The following SLC25A13 variants were observed in gnomAD, a reference collection of about 807,000 sequenced individuals.
SLC25A13 encodes the protein solute carrier family 25 member 13, also known as electrogenic aspartate/glutamate antiporter SLC25A13, mitochondrial.
In SLC25A13, 70 loss-of-function variants were observed where a neutral mutation model predicts 85.5. The ratio of observed to expected loss-of-function variants is 0.82; its 90% CI spans 0.68 to 1.00. The LOEUF (loss-of-function observed/expected upper bound fraction) is 1.00. Ranked by LOEUF, SLC25A13 falls within the 50% of genes least tolerant of loss-of-function variation. The probability of loss-of-function intolerance (pLI) is 0.00; values close to 1 mark genes in which losing one functional copy is unlikely to be tolerated. For missense variants in SLC25A13, 765 were observed against 819.8 expected, an observed-to-expected ratio of 0.93 and a Z score of 0.82; for synonymous variants, 259 against 288.7, an observed-to-expected ratio of 0.90 and a Z score of 1.04.
chr7:96,182,827 C>T (rs1442041910), intron 11 of SLC25A13, among the ~76,000 whole-genome samples: 1 of 152,206 alleles, frequency 6.6e-6, no homozygotes, highest in African/African-American at 2.4e-5. Context: ...ATTCTAAAGG[C>T]ATCCTTGACA....
At chr7:96,217,197 C>A (rs1795930992) in intron 4 of SLC25A13, among the ~76,000 whole-genome samples, 1 of 152,126 alleles carries the variant, frequency 6.6e-6, no homozygotes, top group African/African-American at 2.4e-5. Flanking sequence ...CACCCTGCTA[C>A]AATGGTTATA....
rs541125702 is a variant in SLC25A13 at position 96,289,634 on chromosome 7, C to T, written c.69+7264G>A. ...AATGCACAAGCTTCAGTAGCCGATT[C>T]GATCAACTGGAAGAAAGGGTATCAG... On this transcript the variant is annotated intron_variant, in intron 2 of 17. Coordinates refer to ENST00000265631, the MANE Select transcript of SLC25A13 (RefSeq NM_014251.3). 3.9e-5 allele frequency among the ~76,000 whole-genome samples: 6 copies of T among 152,118 alleles called. 1 individual carries two copies. The South Asian group carries it at 6.2e-4, about 16-fold the overall frequency.
intron 3 of SLC25A13, among the ~76,000 whole-genome samples, chr7:96,267,866 G>C (rs1436198228): frequency 2.0e-5 from 3 of 152,014 alleles, no homozygotes; most frequent in Non-Finnish European, 4.4e-5. Flanking sequence ...AAAGTGGCAG[G>C]GGGCTGACAA....
intron 5 of SLC25A13, among the ~76,000 whole-genome samples, chr7:96,204,633 G>A (rs781118721): frequency 5.5e-4 from 83 of 152,112 alleles, no homozygotes; most frequent in Non-Finnish European, 8.4e-4. Flanking sequence ...AACCTTTAAG[G>A]GTTTTTGCTA....
At chr7:96,208,764 C>G (rs765776818) in intron 5 of SLC25A13, 74 bp downstream of exon 5, 25 of 1,578,830 alleles carry the variant, frequency 1.6e-5, no homozygotes, top group Non-Finnish European at 1.9e-5. Context: ...CTCGGCCTCC[C>G]AAAGTGCTAG....
chr7:96,308,864 C>T (rs934583416), intron 1 of SLC25A13, among the ~76,000 whole-genome samples: 3 of 152,124 alleles, frequency 2.0e-5, no homozygotes, highest in Admixed American at 2.0e-4. Context: ...TGTGAAAAGG[C>T]AAATAAACCA....
At chr7:96,233,129 C>G (rs1796618413) in intron 4 of SLC25A13, among the ~76,000 whole-genome samples, 1 of 152,164 alleles carries the variant, frequency 6.6e-6, no homozygotes, top group African/African-American at 2.4e-5. Flanking sequence ...CCTCTAATAT[C>G]AAATCGAACT....
intron 4 of SLC25A13, among the ~76,000 whole-genome samples, chr7:96,225,073 G>A (rs1796283078): frequency 6.6e-6 from 1 of 152,140 alleles, no homozygotes. Context: ...TAGCCCAGAG[G>A]TTGGCATGTA....
chr7:96,286,371 C>A (rs908178741), intron 2 of SLC25A13, among the ~76,000 whole-genome samples: 1 of 152,070 alleles, frequency 6.6e-6, no homozygotes, highest in Admixed American at 6.5e-5. Context: ...CACCCAGGAT[C>A]CTGTGCCCCG....
At chr7:96,268,144 C>G (rs1798105513) in intron 3 of SLC25A13, among the ~76,000 whole-genome samples, 1 of 152,084 alleles carries the variant, frequency 6.6e-6, no homozygotes, top group Admixed American at 6.6e-5. Flanking sequence ...TATTCTAGTC[C>G]CATGTGGTCT....
chr7:96,230,788 T>C (rs1796512708), intron 4 of SLC25A13, among the ~76,000 whole-genome samples: 1 of 152,168 alleles, frequency 6.6e-6, no homozygotes, highest in South Asian at 2.1e-4. Flanking sequence ...TTACGCCATA[T>C]ACAAAAATAA....
intron 13 of SLC25A13, among the ~76,000 whole-genome samples, chr7:96,168,435 A>G (rs900886410): frequency 7.2e-5 from 11 of 152,276 alleles, no homozygotes; most frequent in Non-Finnish European, 1.2e-4. Flanking sequence ...GAAAAGGGCT[A>G]CATCTCTTTA....
chr7:96,201,254 A>C (rs1204082021), intron 5 of SLC25A13, among the ~76,000 whole-genome samples: 1 of 152,132 alleles, frequency 6.6e-6, no homozygotes, highest in Non-Finnish European at 1.5e-5. Flanking sequence ...TCATGCCTGT[A>C]ATCTCAGCAC....
In SLC25A13 at chr7:96,243,965, G is replaced by A. The variant is rs1473887641; in HGVS notation, c.213-9048C>T. ...TGTGACTCGCCTCAGAGTTAGAAAG[G>A]TTACGAAGAACACTCAAGACACTGT... On this transcript the variant is annotated intron_variant, in intron 3 of 17. Transcript: ENST00000265631. Among the ~76,000 whole-genome samples, 4 of 152,248 alleles carry A rather than the reference G, an allele frequency of 2.6e-5. No individual in the cohort carries two copies. The East Asian group carries it at 7.7e-4, about 29-fold the overall frequency.
intron 3 of SLC25A13, among the ~76,000 whole-genome samples, chr7:96,235,465 G>A (rs1796711273): frequency 1.3e-5 from 2 of 152,294 alleles, no homozygotes; most frequent in South Asian, 4.1e-4. Context: ...GACAGCACTG[G>A]TCTAGAAACA....
chr7:96,244,582 G>A (rs1797114149), intron 3 of SLC25A13, among the ~76,000 whole-genome samples: 1 of 152,156 alleles, frequency 6.6e-6, no homozygotes, highest in African/African-American at 2.4e-5. Flanking sequence ...CATAAAAGGT[G>A]CTTTTCTCGG....
rs540725594 is a variant in SLC25A13, at chr7:96,246,005, G to T, written c.213-11088C>A. 1.1e-4 allele frequency among the ~76,000 whole-genome samples: 16 copies of T among 152,354 alleles called. No homozygotes were observed. The East Asian group carries it at 3.1e-3, about 29-fold the overall frequency. ...TAAGAAATCAGTAACTGAAAAGCCA[G>T]CAGGCATATGAATTTGTCAGCGTAT... On this transcript the variant is annotated intron_variant, in intron 3 of 17. Coordinates refer to ENST00000265631, the MANE Select transcript of SLC25A13 (RefSeq NM_014251.3).
At chr7:96,207,492 T>C (rs569049390) in intron 5 of SLC25A13, among the ~76,000 whole-genome samples, 12 of 152,238 alleles carry the variant, frequency 7.9e-5, no homozygotes, top group Admixed American at 3.9e-4. Context: ...AGGACATTTC[T>C]AGTAACAAAG....
At chr7:96,291,456 C>A (rs1329069887) in intron 2 of SLC25A13, among the ~76,000 whole-genome samples, 1 of 152,026 alleles carries the variant, frequency 6.6e-6, no homozygotes, top group African/African-American at 2.4e-5. Context: ...GATGGAGACA[C>A]AAAAAACCCT....
Sources: gnomAD v4.1 joint callset for allele counts (sites outside exome capture counted in the v4.1 genomes callset) on GRCh38, gnomAD v4.1.1 for gene constraint, MANE v1.5 for transcripts, NCBI Gene and HGNC (gene_info 2026-07-23, HGNC 2026-07-21) for gene names.